The following SPAG17 variants were observed in gnomAD, a reference collection of about 807,000 sequenced individuals.
SPAG17 encodes sperm associated antigen 17.
SPAG17 carries 169 observed loss-of-function variants against 273.6 expected under a neutral mutation model. That is an observed-to-expected ratio of 0.62 (90% CI 0.55 to 0.70). The LOEUF (loss-of-function observed/expected upper bound fraction) is 0.70. Among genes scored for constraint, SPAG17 ranks in the 30% least tolerant of loss-of-function variants. SPAG17 has a pLI of 0.00. For missense variants in SPAG17, 2,557 were observed against 2,627.8 expected (o/e 0.97, Z 0.59); for synonymous variants, 825 against 873.2 (o/e 0.94, Z 0.97).
chr1:118,106,630 C>G (rs1656414961), intron 4 of SPAG17, among the ~76,000 whole-genome samples: 1 of 152,184 alleles, frequency 6.6e-6, no homozygotes, highest in African/African-American at 2.4e-5. Context: ...AAAAACATAC[C>G]AGAAACTTTT....
chr1:118,060,505 T>C (rs760820836), intron 18 of SPAG17, among the ~76,000 whole-genome samples: 2 of 152,204 alleles, frequency 1.3e-5, no homozygotes, highest in Non-Finnish European at 2.9e-5. Flanking sequence ...TCACAACTAG[T>C]TATTTTAATA....
At chr1:117,998,754 G>A (rs1422001674) in intron 32 of SPAG17, among the ~76,000 whole-genome samples, 1 of 151,978 alleles carries the variant, frequency 6.6e-6, no homozygotes, top group East Asian at 1.9e-4. Flanking sequence ...GTAATTCTCA[G>A]TGTAGAGAAC....
chr1:118,007,235 A>T (rs1252222423), intron 31 of SPAG17, among the ~76,000 whole-genome samples: 1 of 152,104 alleles, frequency 6.6e-6, no homozygotes, highest in Non-Finnish European at 1.5e-5. Flanking sequence ...ATAATAATCT[A>T]CACTGGATGA....
At chr1:117,973,693 T>C in intron 43 of SPAG17, 132 bp from the exon 44 acceptor site, 1 of 769,814 alleles carries the variant, frequency 1.3e-6, no homozygotes, top group East Asian at 3.1e-5. Context: ...AGCTTATTTA[T>C]TTATTTTTAT....
rs754802136 is a variant in SPAG17, at chr1:117,987,899, A to T, written c.5622-18T>A. On this transcript the variant is annotated intron_variant, in intron 39 of 48. Transcript: ENST00000336338. ...CTGTGTGTCTATGTGAAAGGAAAGG[A>T]AAGTATGGTGAAAAGGGGCAATGAT... The T allele has an allele frequency of 4.3e-6, 7 of 1,613,692 alleles. No individual in the cohort carries two copies. Among genetic ancestry groups the T allele is most frequent in the Non-Finnish European group, 8.5e-7 (1 of 1,179,786 alleles).
At chr1:118,124,218 A>G (rs1230914037) in intron 3 of SPAG17, among the ~76,000 whole-genome samples, 1 of 152,214 alleles carries the variant, frequency 6.6e-6, no homozygotes, top group Non-Finnish European at 1.5e-5. Flanking sequence ...TTTGGTTTTT[A>G]GACTAAGATC....
chr1:118,041,970 CCTT>C lies in SPAG17; in HGVS notation c.2884_2886del (p.Lys962del), dbSNP rs760958728. 1.9e-6 allele frequency: 3 copies of C among 1,613,688 alleles called. No individual in the cohort carries two copies. The highest frequency in any genetic ancestry group is 2.5e-6 in the Non-Finnish European group (3 of 1,179,780). Reference sequence around the variant, plus strand: ...CCTTTCTTTTTACCAGCTTCTTTACCCTTCTTCTCTGCTTTCTTTTCTTCCCTT... The same window carrying C: ...CCTTTCTTTTTACCAGCTTCTTTACCCTTCTCTGCTTTCTTTTCTTCCCTT... On this transcript the variant is annotated inframe_deletion, in exon 21 of 49. Coordinates refer to ENST00000336338, the MANE Select transcript of SPAG17 (RefSeq NM_206996.4).
intron 10 of SPAG17, among the ~76,000 whole-genome samples, chr1:118,088,217 G>T (rs1163892427): frequency 6.6e-6 from 1 of 152,032 alleles, no homozygotes; most frequent in African/African-American, 2.4e-5. Context: ...CTATATTTCA[G>T]TTTTTTCATC....
At chr1:118,083,902 C>A (rs1330626098) in intron 13 of SPAG17, among the ~76,000 whole-genome samples, 1 of 152,026 alleles carries the variant, frequency 6.6e-6, no homozygotes, top group Non-Finnish European at 1.5e-5. Flanking sequence ...GATGAGGAAT[C>A]AAGAGCTTGG....
intron 28 of SPAG17, among the ~76,000 whole-genome samples, chr1:118,021,583 T>A (rs1536227): frequency 0.64 from 97,230 of 152,092 alleles, 31,672 homozygotes; most frequent in African/African-American, 0.76. Context: ...CATCAGTTGT[T>A]ACAAATATAC....
chr1:118,121,416 C>T (rs545171834), intron 3 of SPAG17, among the ~76,000 whole-genome samples: 1 of 152,282 alleles, frequency 6.6e-6, no homozygotes, highest in Admixed American at 6.5e-5. Context: ...AGTTCCTAAT[C>T]TGTCCATGGC....
rs562956178 is a variant in SPAG17, at chr1:117,996,505, T to C, written c.4923-5A>G. 2.5e-6 allele frequency: 4 copies of C among 1,608,790 alleles called. No individual in the cohort carries two copies. In the African/African-American group the frequency reaches 4.0e-5, roughly 16 times the overall value. On this transcript the variant is annotated splice_polypyrimidine_tract_variant and splice_region_variant and intron_variant, in intron 33 of 48. Transcript: ENST00000336338. Reference sequence around the variant, plus strand: ...TCAGCATACATAACAAAAAACCTATTTGAAGAAATAAAAATATAATCACTT... The same window carrying C: ...TCAGCATACATAACAAAAAACCTATCTGAAGAAATAAAAATATAATCACTT...
chr1:118,153,485 T>A (rs1390874266), intron 1 of SPAG17, among the ~76,000 whole-genome samples: 1 of 152,212 alleles, frequency 6.6e-6, no homozygotes, highest in Non-Finnish European at 1.5e-5. Context: ...CCTAACAGAC[T>A]ATTTGGCCAT....
At chr1:118,144,849 C>T (rs1658884637) in intron 3 of SPAG17, among the ~76,000 whole-genome samples, 1 of 152,040 alleles carries the variant, frequency 6.6e-6, no homozygotes, top group African/African-American at 2.4e-5. Flanking sequence ...CCAGGCTTGC[C>T]TTAATCAAGC....
chr1:118,001,635 T>C (rs1037227782), intron 32 of SPAG17, among the ~76,000 whole-genome samples: 1 of 152,224 alleles, frequency 6.6e-6, no homozygotes, highest in African/African-American at 2.4e-5. Context: ...TCTCTGATGG[T>C]AGTTTGTATT....
chr1:118,089,771 G>T (rs1655248654), intron 10 of SPAG17, among the ~76,000 whole-genome samples: 1 of 152,150 alleles, frequency 6.6e-6, no homozygotes, highest in African/African-American at 2.4e-5. Context: ...TTATCTGTAA[G>T]ATGGGTGATA....
chr1:117,998,194 C>T (rs1380828592), intron 32 of SPAG17, among the ~76,000 whole-genome samples: 2 of 152,086 alleles, frequency 1.3e-5, no homozygotes, highest in South Asian at 2.1e-4. Context: ...TTAGGTTTTA[C>T]ATTTAAGTCT....
chr1:118,013,033 C>CT (rs1224241002), intron 29 of SPAG17, among the ~76,000 whole-genome samples: 2 of 152,186 alleles, frequency 1.3e-5, no homozygotes, highest in African/African-American at 2.4e-5. Flanking sequence ...CATAGTTCAG[C>CT]TTTTACCTCT....
At position 118,091,656 on chromosome 1, in the gene SPAG17, G is replaced by A. The variant is rs867871862; in HGVS notation, c.1309C>T (p.Arg437Ter). The change falls in exon 10 of 49, where the codon CGA becomes TGA. Residue 437 changes from arginine (R) to a stop codon, truncating the protein, a stop_gained. Transcript: ENST00000336338. LOFTEE classifies it high-confidence loss of function. ...RYYNYLLNPI[R>*]EEFISVPLIL... ...AGGGGCACAGAAATGAATTCCTCTC[G>A]AATTGGATTCAGCAAATAATTGTAA... The A allele has an allele frequency of 3.1e-6, 5 of 1,612,766 alleles. No individual in the cohort carries two copies. Among genetic ancestry groups the A allele is most frequent in the African/African-American group, 1.3e-5 (1 of 74,884 alleles).
Sources: allele counts gnomAD v4.1 joint callset (sites outside exome capture counted in the v4.1 genomes callset), GRCh38; gene constraint gnomAD v4.1.1; transcripts MANE v1.5; gene names NCBI Gene and HGNC (gene_info 2026-07-23, HGNC 2026-07-21).